The following EP300 variants were observed in gnomAD, a reference collection of about 807,000 sequenced individuals.
EP300 encodes EP300 lysine acetyltransferase, also known as histone acetyltransferase p300.
In EP300, 31 loss-of-function variants were observed where a neutral mutation model predicts 264.0. That is an observed-to-expected ratio of 0.12 (90% CI 0.09 to 0.16). EP300 has a LOEUF of 0.16. EP300 is among the 10% of genes least tolerant of loss of function. The probability of loss-of-function intolerance (pLI) is 1.00; values close to 1 mark genes in which losing one functional copy is unlikely to be tolerated. For synonymous variants in EP300, 1,340 were observed against 1,045.4 expected, an observed-to-expected ratio of 1.28 and a Z score of -5.44; for missense variants, 2,766 against 3,052.9, an observed-to-expected ratio of 0.91 and a Z score of 2.21.
intron 8 of EP300, among the ~76,000 whole-genome samples, chr22:41,139,035 C>G (rs1004769301): frequency 2.8e-4 from 42 of 152,142 alleles, no homozygotes; most frequent in African/African-American, 1.0e-3. Context: ...CTACTGCAAC[C>G]TCCCGTCTCC....
intron 1 of EP300, among the ~76,000 whole-genome samples, 176 bp from the exon 2 acceptor site, chr22:41,117,011 A>G (rs1161599465): frequency 2.0e-5 from 3 of 152,206 alleles, no homozygotes; most frequent in Non-Finnish European, 4.4e-5. Context: ...GTAAGCCAAG[A>G]TCGCGCACCA....
intron 2 of EP300, among the ~76,000 whole-genome samples, chr22:41,122,675 GT>G (rs992844053): frequency 3.4e-5 from 5 of 146,198 alleles, no homozygotes; most frequent in East Asian, 2.0e-4. Context: ...ACATTTTTTT[GT>G]TTTTTTTAAT....
chr22:41,149,686 A>G (rs2059031871), intron 13 of EP300, 75 bp from the exon 14 acceptor site: 3 of 1,458,876 alleles, frequency 2.1e-6, no homozygotes, highest in Admixed American at 3.6e-5. Context: ...TCCTAAATTT[A>G]TATATCATGC....
intron 21 of EP300, among the ~76,000 whole-genome samples, chr22:41,163,362 G>T (rs1343591543): frequency 6.7e-6 from 1 of 148,544 alleles, no homozygotes; most frequent in East Asian, 2.0e-4. Flanking sequence ...GTGAACCTGG[G>T]AGGCGGAGCT....
chr22:41,116,438 C>T (rs2058821803), intron 1 of EP300, among the ~76,000 whole-genome samples: 1 of 152,120 alleles, frequency 6.6e-6, no homozygotes, highest in Admixed American at 6.6e-5. Flanking sequence ...ATTTAACTCC[C>T]ACTTATGAGT....
rs1462493430 is a variant in EP300 at position 41,168,579 on chromosome 22, A to G, written c.4005A>G (p.Val1335=). 1 of 1,614,218 alleles carries G rather than the reference A, an allele frequency of 6.2e-7. No individual in the cohort carries two copies. The highest frequency in any genetic ancestry group is 8.5e-7 in the Non-Finnish European group (1 of 1,180,038). The change falls in exon 24 of 31, where the codon GTA becomes GTG. Residue 1335 remains valine, a synonymous_variant. Transcript: ENST00000263253. The stretch of plus-strand genomic sequence containing the variant: ...ATGCTTCTGACAAAACCGTGGAAGT[A>G]AAACCAGGCATGAAAGCAAGGTATC... ...VVHASDKTVE[V]KPGMKARFVD... is the part of the protein sequence containing the mutation.
Position 41,117,416 on chromosome 22 carries a change from C to A in EP300, c.324C>A (p.Ala108=). The A allele has an allele frequency of 6.2e-7, 1 of 1,614,156 alleles. No homozygotes were observed. Among genetic ancestry groups the A allele is most frequent in the South Asian group, 1.1e-5 (1 of 91,070 alleles). The change falls in exon 2 of 31, where the codon GCC becomes GCA. Residue 108 remains alanine (A), a synonymous_variant. Coordinates refer to ENST00000263253, the MANE Select transcript of EP300 (RefSeq NM_001429.4). ...CAGGTCAAGTCATGGCCAGCCAGGC[C>A]CAACAGAGCAGTCCTGGATTAGGTT... is the stretch of plus-strand genomic sequence containing the variant. The part of the protein sequence containing the change: ...GGPGQVMASQ[A]QQSSPGLGLI...
At chr22:41,167,019 A>G (rs571155175) in intron 23 of EP300, among the ~76,000 whole-genome samples, 1 of 152,124 alleles carries the variant, frequency 6.6e-6, no homozygotes, top group South Asian at 2.1e-4. Context: ...TTATTTTTTG[A>G]GAGTCTCACT....
intron 5 of EP300, 119 bp downstream of exon 5, chr22:41,130,122 T>G: frequency 1.3e-6 from 1 of 754,908 alleles, no homozygotes; most frequent in Admixed American, 2.3e-5. Flanking sequence ...TGAATAAATG[T>G]TTTTTTCCCT....
chr22:41,173,567 TC>T, intron 28 of EP300, 55 bp from the exon 29 acceptor site: 1 of 1,583,834 alleles, frequency 6.3e-7, no homozygotes, highest in Admixed American at 1.7e-5. Flanking sequence ...TCTGTGCTAT[TC>T]CCAAATTACT....
intron 1 of EP300, among the ~76,000 whole-genome samples, chr22:41,098,767 A>T (rs1282241724): frequency 2.0e-5 from 3 of 152,208 alleles, no homozygotes. Flanking sequence ...TCAGACTGCT[A>T]GAGTTCATAG....
rs1198235531 is a variant in EP300 at position 41,169,426 on chromosome 22, A to T, written c.4173-77A>T. ...GAGCCTGGGAGAGTGAGAGGGTGTT[A>T]TTAGGCACATGGAGTAAAGAACTCA... is the stretch of plus-strand genomic sequence containing the variant. On this transcript the variant is annotated intron_variant, in intron 25 of 30. Transcript: ENST00000263253. The T allele has an allele frequency of 8.0e-6, 7 of 876,820 alleles. No individual in the cohort carries two copies. The East Asian group carries it at 1.2e-4, about 15-fold the overall frequency. 54.3% of individuals were successfully genotyped at this position (876,820 alleles called of 1,614,324 possible).
At chr22:41,128,314 G>A (rs1481462178) in intron 4 of EP300, among the ~76,000 whole-genome samples, 1 of 152,010 alleles carries the variant, frequency 6.6e-6, no homozygotes, top group African/African-American at 2.4e-5. Flanking sequence ...AAGAAAATCA[G>A]CCAGATGTCT....
At chr22:41,164,397 TGTA>T (rs1351812037) in intron 22 of EP300, among the ~76,000 whole-genome samples, 4 of 152,170 alleles carry the variant, frequency 2.6e-5, no homozygotes, top group Admixed American at 2.0e-4. Flanking sequence ...AAAATTATAT[TGTA>T]GTTATTACAC....
chr22:41,133,230 C>G (rs937319566), intron 6 of EP300, among the ~76,000 whole-genome samples: 4 of 144,372 alleles, frequency 2.8e-5, no homozygotes, highest in African/African-American at 1.0e-4. Flanking sequence ...GATCTTGGCT[C>G]ACTGCAACTT....
chr22:41,122,902 G>A (rs1369947167), intron 2 of EP300, among the ~76,000 whole-genome samples: 1 of 152,084 alleles, frequency 6.6e-6, no homozygotes, highest in Non-Finnish European at 1.5e-5. Flanking sequence ...TGGGCATGGT[G>A]GTGCAAGCTT....
chr22:41,113,098 A>ATT (rs2058802144), intron 1 of EP300, among the ~76,000 whole-genome samples: 1 of 147,022 alleles, frequency 6.8e-6, no homozygotes, highest in Non-Finnish European at 1.5e-5. Context: ...GTACCTAAAT[A>ATT]TGTCTTACTC....
chr22:41,135,128 C>G (rs1437394550), intron 6 of EP300, among the ~76,000 whole-genome samples: 1 of 152,110 alleles, frequency 6.6e-6, no homozygotes, highest in African/African-American at 2.4e-5. Flanking sequence ...TCTTGAACTG[C>G]TGACTTCGTG....
chr22:41,168,597 A>G lies in EP300; in HGVS notation c.4023A>G (p.Ala1341=). 6.2e-7 allele frequency: 1 copy of G among 1,614,214 alleles called. No homozygotes were observed. Among genetic ancestry groups the G allele is most frequent in the Non-Finnish European group, 8.5e-7 (1 of 1,180,042 alleles). The change falls in exon 24 of 31, where the codon GCA becomes GCG. Residue 1341 remains alanine, a splice_region_variant and synonymous_variant. Coordinates refer to ENST00000263253, the MANE Select transcript of EP300 (RefSeq NM_001429.4). ...TGGAAGTAAAACCAGGCATGAAAGC[A>G]AGGTATCTAGTCATTTCACTTTTCT... ...KTVEVKPGMK[A]RFVDSGEMAE... is the part of the protein sequence containing the mutation.
Sources: gnomAD v4.1 joint callset for allele counts (sites outside exome capture counted in the v4.1 genomes callset) on GRCh38, gnomAD v4.1.1 for gene constraint, MANE v1.5 for transcripts, NCBI Gene and HGNC (gene_info 2026-07-23, HGNC 2026-07-21) for gene names.